SGK1: variants seen among roughly 807,000 people sequenced by gnomAD.
SGK1 encodes the protein serum/glucocorticoid regulated kinase 1, also known as serine/threonine-protein kinase Sgk1.
Under a neutral mutation model 64.2 loss-of-function variants are expected in SGK1, and 26 were observed. The observed-to-expected ratio is 0.40, with a 90% CI of 0.30 to 0.56. The LOEUF (loss-of-function observed/expected upper bound fraction) is 0.56, where lower values mean the gene tolerates loss of function less well. SGK1 is among the 20% of genes least tolerant of loss of function. The pLI is 0.38. For synonymous variants in SGK1, 265 were observed against 239.7 expected (o/e 1.11, Z -0.98); for missense variants, 519 against 645.6 (o/e 0.80, Z 2.12).
intron 1 of SGK1, among the ~76,000 whole-genome samples, chr6:134,300,077 A>C (rs12204317): frequency 0.13 from 19,721 of 152,176 alleles, 1,582 homozygotes; most frequent in African/African-American, 0.22. Context: ...ACTCTAGGGA[A>C]GTACTTTTCT....
chr6:134,313,367 A>G (rs1777634953), intron 1 of SGK1, among the ~76,000 whole-genome samples: 1 of 152,104 alleles, frequency 6.6e-6, no homozygotes, highest in Non-Finnish European at 1.5e-5. Context: ...CAAACAAACA[A>G]ACAAAAATAA....
intron 1 of SGK1, among the ~76,000 whole-genome samples, chr6:134,273,485 T>C (rs1216126917): frequency 3.5e-5 from 5 of 143,936 alleles, no homozygotes; most frequent in East Asian, 4.5e-4. Context: ...CCCAGCTACT[T>C]GGGAGGCTGA....
chr6:134,182,011 C>T (rs1448534237), intron 3 of SGK1, among the ~76,000 whole-genome samples: 1 of 152,084 alleles, frequency 6.6e-6, no homozygotes, highest in East Asian at 1.9e-4. Context: ...GCACCTGCCA[C>T]CACGCCCGAC....
intron 1 of SGK1, among the ~76,000 whole-genome samples, chr6:134,278,676 A>G (rs912462963): frequency 6.6e-6 from 1 of 152,202 alleles, no homozygotes; most frequent in Non-Finnish European, 1.5e-5. Flanking sequence ...CCCTGAAAAC[A>G]GGAGGACAGT....
At chr6:134,194,168 ATCT>A (rs773758778) in intron 3 of SGK1, among the ~76,000 whole-genome samples, 24 of 151,738 alleles carry the variant, frequency 1.6e-4, no homozygotes, top group Non-Finnish European at 2.9e-4. Context: ...CCAGCTGGAA[ATCT>A]TTTTTTTTTT....
intron 1 of SGK1, among the ~76,000 whole-genome samples, chr6:134,279,565 C>A (rs1257268896): frequency 1.3e-5 from 2 of 152,124 alleles, no homozygotes; most frequent in Non-Finnish European, 2.9e-5. Context: ...TATCAATGAA[C>A]TGACTTGTTA....
chr6:134,187,596 T>A (rs1426016796), intron 3 of SGK1, among the ~76,000 whole-genome samples: 1 of 152,216 alleles, frequency 6.6e-6, no homozygotes, highest in African/African-American at 2.4e-5. Flanking sequence ...TTCATTCTAT[T>A]AACCCAGCTG....
At chr6:134,230,951 C>A (rs1336038082) in intron 2 of SGK1, among the ~76,000 whole-genome samples, 2 of 152,022 alleles carry the variant, frequency 1.3e-5, no homozygotes, top group Non-Finnish European at 2.9e-5. Flanking sequence ...GAGGCAGAGG[C>A]TGTAGTGAGC....
chr6:134,218,814 G>T (rs1170996048), intron 2 of SGK1: 1 of 152,094 alleles, frequency 6.6e-6, no homozygotes, highest in South Asian at 2.1e-4. Flanking sequence ...AAGGAGTGAG[G>T]CGATAAGTGG....
Position 134,236,802 on chromosome 6 carries a change from A to G in SGK1, c.285+25131T>C, listed in dbSNP as rs556983955. Among the ~76,000 whole-genome samples, 14 of 151,844 alleles carry G rather than the reference A, an allele frequency of 9.2e-5. No homozygotes were observed. The South Asian group carries it at 2.9e-3, about 31-fold the overall frequency. On this transcript the variant is annotated intron_variant, in intron 2 of 13. Transcript: ENST00000367858. ...TTAGACAGACTAATTGCAGAATGAA[A>G]TGGTTTGCTACCTGTTGAGCTCCAA...
intron 3 of SGK1, 64 bp downstream of exon 3, chr6:134,207,292 A>C: frequency 5.9e-6 from 6 of 1,020,924 alleles, no homozygotes; most frequent in Non-Finnish European, 7.5e-6. Context: ...GCCTTTGTGT[A>C]GAGCTTTACT....
At chr6:134,172,469 T>C in intron 9 of SGK1, 153 bp from the exon 10 acceptor site, 1 of 838,202 alleles carries the variant, frequency 1.2e-6, no homozygotes, top group Non-Finnish European at 1.9e-6. Context: ...TGCTCATCTA[T>C]TCTGGATTAG....
intron 13 of SGK1, 157 bp from the exon 14 acceptor site, chr6:134,170,592 A>T: frequency 4.1e-6 from 3 of 723,308 alleles, no homozygotes; most frequent in Non-Finnish European, 6.9e-6. Flanking sequence ...CACACAGTTA[A>T]ACATAAGAAT....
intron 1 of SGK1, among the ~76,000 whole-genome samples, chr6:134,316,397 G>T (rs534139543): frequency 6.6e-6 from 1 of 152,112 alleles, no homozygotes; most frequent in South Asian, 2.1e-4. Flanking sequence ...TTGCCCTAGG[G>T]TATTAAATAG....
intron 2 of SGK1, among the ~76,000 whole-genome samples, chr6:134,244,654 A>C (rs1361494624): frequency 6.6e-6 from 1 of 152,142 alleles, no homozygotes; most frequent in Admixed American, 6.5e-5. Flanking sequence ...TCCACTGTCT[A>C]ACCAGTACCA....
intron 2 of SGK1, among the ~76,000 whole-genome samples, chr6:134,246,220 C>T (rs558324056): frequency 6.6e-6 from 1 of 152,112 alleles, no homozygotes; most frequent in East Asian, 1.9e-4. Flanking sequence ...ACTATCTCGG[C>T]TCACTGCAAC....
intron 2 of SGK1, chr6:134,230,465 G>T (rs963517261): frequency 6.6e-6 from 1 of 152,198 alleles, no homozygotes; most frequent in Non-Finnish European, 1.5e-5. Flanking sequence ...GGGGAAGCAA[G>T]ATGCCTTCCT....
At chr6:134,173,708 C>A in intron 5 of SGK1, 142 bp from the exon 6 acceptor site, 1 of 639,708 alleles carries the variant, frequency 1.6e-6, no homozygotes, top group Middle Eastern at 4.2e-4. Flanking sequence ...AACTACATTT[C>A]ATCACATTTC....
intron 1 of SGK1, among the ~76,000 whole-genome samples, chr6:134,311,782 C>G (rs1246047917): frequency 2.0e-5 from 3 of 152,180 alleles, no homozygotes; most frequent in Non-Finnish European, 4.4e-5. Flanking sequence ...ACTCAAACAG[C>G]TTAGATTTTA....
Sources: gnomAD v4.1 joint callset for allele counts (sites outside exome capture counted in the v4.1 genomes callset) on GRCh38, gnomAD v4.1.1 for gene constraint, MANE v1.5 for transcripts, NCBI Gene and HGNC (gene_info 2026-07-23, HGNC 2026-07-21) for gene names.